Variants in CEP63 observed in about 807,000 individuals in gnomAD.
CEP63 encodes centrosomal protein of 63 kDa.
CEP63 carries 84 observed loss-of-function variants against 89.1 expected under a neutral mutation model. The ratio of observed to expected loss-of-function variants is 0.94; its 90% CI spans 0.79 to 1.13. The LOEUF (loss-of-function observed/expected upper bound fraction) is 1.13. CEP63 is among the 50% of genes most tolerant of loss of function. The probability of loss-of-function intolerance (pLI) is 0.00; values close to 1 mark genes in which losing one functional copy is unlikely to be tolerated. For synonymous variants in CEP63, 267 were observed against 272.5 expected (o/e 0.98, Z 0.20); for missense variants, 838 against 813.3 (o/e 1.03, Z -0.37).
chr3:134,545,467 TA>T (rs1193691372), intron 6 of CEP63, 118 bp from the exon 7 acceptor site: 8 of 766,006 alleles, frequency 1.0e-5, no homozygotes, highest in African/African-American at 7.0e-5. Context: ...TATATATATA[TA>T]TATTTTAGTG....
the CEP63 span, among the ~76,000 whole-genome samples, chr3:134,655,602 C>T: frequency 2.0e-5 from 3 of 152,192 alleles, no homozygotes; most frequent in African/African-American, 7.2e-5. Context: ...TGACACCCCA[C>T]CCAACTCTGT....
intron 1 of CEP63, among the ~76,000 whole-genome samples, chr3:134,491,122 A>G (rs1012889080): frequency 6.6e-6 from 1 of 152,200 alleles, no homozygotes; most frequent in East Asian, 1.9e-4. Flanking sequence ...GTAAATGCAT[A>G]TATCAGTTGT....
chr3:134,549,372 A>G (rs767175152), intron 10 of CEP63, among the ~76,000 whole-genome samples, 196 bp downstream of exon 10: 1 of 152,192 alleles, frequency 6.6e-6, no homozygotes, highest in Admixed American at 6.5e-5. Flanking sequence ...CTGATGCCCA[A>G]TAAATATTTT....
chr3:134,544,155 T>G (rs946085775), intron 6 of CEP63, among the ~76,000 whole-genome samples: 19 of 152,324 alleles, frequency 1.2e-4, no homozygotes, highest in African/African-American at 4.3e-4. Flanking sequence ...AAATCTGCAA[T>G]AGATAGATTT....
downstream of CEP63, among the ~76,000 whole-genome samples, chr3:134,565,371 TTACA>T (rs1180565421): frequency 1.3e-5 from 2 of 152,188 alleles, no homozygotes; most frequent in African/African-American, 4.8e-5. Flanking sequence ...CTTCTCTCTC[TTACA>T]TACACATAAC....
At chr3:134,570,644 T>C (rs1957973491) in intron 11 of CEP63, among the ~76,000 whole-genome samples, 1 of 152,240 alleles carries the variant, frequency 6.6e-6, no homozygotes, top group African/African-American at 2.4e-5. Context: ...CCTGTCTTCT[T>C]CTGAGCCCTC....
rs1943702048 is a variant in CEP63, at chr3:134,507,272, G to A, written c.208G>A (p.Val70Met). The change falls in exon 3 of 15, where the codon GTG (valine) becomes ATG (methionine). Residue 70 changes from valine to methionine, a missense_variant. Physicochemically the swap from Val to Met is conservative, Grantham distance 21 (BLOSUM62 1). Coordinates refer to ENST00000675561, the MANE Select transcript of CEP63 (RefSeq NM_001353108.3). ...ELKSLRSQLDVTHKEVGMLHQ... is the reference protein window; with the variant it reads ...ELKSLRSQLDMTHKEVGMLHQ... ...TAAGAGTCTTAGGAGTCAGTTGGAT[G>A]TGACACATAAGGAGGTAAAGCAATT... is the stretch of plus-strand genomic sequence containing the variant. 6.2e-7 allele frequency: 1 copy of A among 1,612,874 alleles called. No homozygotes were observed. The highest frequency in any genetic ancestry group is 8.5e-7 in the Non-Finnish European group (1 of 1,179,144).
downstream of CEP63, among the ~76,000 whole-genome samples, chr3:134,566,072 T>C (rs1957744346): frequency 6.6e-6 from 1 of 152,134 alleles, no homozygotes; most frequent in African/African-American, 2.4e-5. Flanking sequence ...AACCAATCTT[T>C]TGTAAAAGCT....
chr3:134,488,709 G>C (rs937732751), intron 1 of CEP63, among the ~76,000 whole-genome samples: 1 of 152,170 alleles, frequency 6.6e-6, no homozygotes, highest in Non-Finnish European at 1.5e-5. Context: ...CGCCCTGTCG[G>C]TGTTGAGAAA....
At chr3:134,752,741 C>T in the CEP63 span, among the ~76,000 whole-genome samples, 36 of 152,230 alleles carry the variant, frequency 2.4e-4, no homozygotes, top group South Asian at 3.5e-3. Context: ...GCACCTTATC[C>T]GGGGAGAAAA....
chr3:134,761,857 C>A, the CEP63 span, among the ~76,000 whole-genome samples: 1 of 152,194 alleles, frequency 6.6e-6, no homozygotes, highest in Admixed American at 6.5e-5. Flanking sequence ...CCTCCAGCCA[C>A]TAAACCTGAA....
At chr3:134,608,424 T>C in the CEP63 span, 2 of 1,499,566 alleles carry the variant, frequency 1.3e-6, no homozygotes, top group Non-Finnish European at 1.8e-6. Context: ...GTGAGTGAGC[T>C]TTTGTCCCTG....
chr3:134,578,515 A>G (rs1333458028), downstream of CEP63, among the ~76,000 whole-genome samples: 1 of 151,858 alleles, frequency 6.6e-6, no homozygotes, highest in Non-Finnish European at 1.5e-5. Context: ...ATTTTTGTAG[A>G]GATGGAGTTT....
At chr3:134,517,170 C>T (rs1292826078) in intron 3 of CEP63, among the ~76,000 whole-genome samples, 2 of 152,206 alleles carry the variant, frequency 1.3e-5, no homozygotes, top group Non-Finnish European at 2.9e-5. Flanking sequence ...GCCTTGCTCT[C>T]TGTGTCCTCA....
At chr3:134,524,045 T>A (rs1234038397) in intron 3 of CEP63, among the ~76,000 whole-genome samples, 2 of 152,226 alleles carry the variant, frequency 1.3e-5, no homozygotes, top group African/African-American at 4.8e-5. Context: ...TCCATTTGTT[T>A]GTGTCATCTC....
At chr3:134,716,699 G>A in the CEP63 span, among the ~76,000 whole-genome samples, 1 of 152,108 alleles carries the variant, frequency 6.6e-6, no homozygotes, top group Non-Finnish European at 1.5e-5. Flanking sequence ...CTCCTCTGTT[G>A]GTACTGTCTT....
Position 134,531,845 on chromosome 3 carries a change from G to A in CEP63, c.223G>A (p.Val75Ile), listed in dbSNP as rs1405818539. 5 of 1,611,120 alleles carry A rather than the reference G, an allele frequency of 3.1e-6. No homozygotes were observed. Among genetic ancestry groups the A allele is most frequent in the Non-Finnish European group, 4.2e-6 (5 of 1,177,482 alleles). ...AATACTACCACCTTTCTGCTTTTAG[G>A]TTGGAATGTTGCATCAGCAGGTAGA... ...RSQLDVTHKE[V>I]GMLHQQVEEH... The change falls in exon 4 of 15, where the codon GTT becomes ATT. Residue 75 changes from valine (V) to isoleucine (I), a missense_variant and splice_region_variant. Coordinates refer to ENST00000675561, the MANE Select transcript of CEP63 (RefSeq NM_001353108.3).
chr3:134,502,718 G>C (rs766561522), intron 2 of CEP63, among the ~76,000 whole-genome samples: 1 of 151,854 alleles, frequency 6.6e-6, no homozygotes, highest in Non-Finnish European at 1.5e-5. Flanking sequence ...TTTTTTTGGT[G>C]ATTTAGCTAG....
the CEP63 span, among the ~76,000 whole-genome samples, chr3:134,725,402 G>A: frequency 4.6e-4 from 70 of 152,152 alleles, 1 homozygote; most frequent in Admixed American, 1.7e-3. Flanking sequence ...ATACATATGA[G>A]TGCTGTGGCC....
Sources: gnomAD v4.1 joint callset for allele counts (sites outside exome capture counted in the v4.1 genomes callset) on GRCh38, gnomAD v4.1.1 for gene constraint, MANE v1.5 for transcripts, NCBI Gene and HGNC (gene_info 2026-07-23, HGNC 2026-07-21) for gene names.